FGF12: variants seen among roughly 807,000 people sequenced by gnomAD.
The protein encoded by FGF12 is fibroblast growth factor 12B.
In FGF12, 14 loss-of-function variants were observed where a neutral mutation model predicts 23.6. The ratio of observed to expected loss-of-function variants is 0.59; its 90% CI spans 0.39 to 0.93. The LOEUF is 0.93. FGF12 is among the 40% of genes least tolerant of loss of function. The pLI, the probability that FGF12 is intolerant of heterozygous loss-of-function variation, is 0.00. For missense variants in FGF12, 175 were observed against 217.8 expected, an observed-to-expected ratio of 0.80 and a Z score of 1.24; for synonymous variants, 62 against 77.3, an observed-to-expected ratio of 0.80 and a Z score of 1.04.
intron 5 of FGF12, among the ~76,000 whole-genome samples, chr3:192,160,501 T>G (rs1216077875): frequency 1.3e-5 from 2 of 152,188 alleles, no homozygotes; most frequent in African/African-American, 4.8e-5. Flanking sequence ...CAAACATCAT[T>G]TACGTCATCT....
chr3:192,626,623 T>C (rs1166519202), intron 2 of FGF12, among the ~76,000 whole-genome samples: 3 of 152,158 alleles, frequency 2.0e-5, no homozygotes, highest in Non-Finnish European at 4.4e-5. Context: ...TTGTTGTTTG[T>C]TTATTTAGAG....
At chr3:192,637,272 G>A (rs968722844) in intron 2 of FGF12, among the ~76,000 whole-genome samples, 2 of 152,130 alleles carry the variant, frequency 1.3e-5, no homozygotes, top group African/African-American at 4.8e-5. Flanking sequence ...TCTGGCCACC[G>A]ACGTGCAGGC....
chr3:192,712,955 A>T (rs1285153168), intron 2 of FGF12, among the ~76,000 whole-genome samples: 1 of 152,170 alleles, frequency 6.6e-6, no homozygotes, highest in Non-Finnish European at 1.5e-5. Context: ...AAATTGATAG[A>T]ATATCTGTGC....
chr3:192,580,790 G>C (rs1713100346), intron 2 of FGF12, among the ~76,000 whole-genome samples: 1 of 152,014 alleles, frequency 6.6e-6, no homozygotes, highest in South Asian at 2.1e-4. Context: ...GTAGAGACAG[G>C]GTTTCACCAT....
intron 2 of FGF12, among the ~76,000 whole-genome samples, chr3:192,554,559 G>T (rs73887629): frequency 2.0e-3 from 304 of 152,212 alleles, no homozygotes; most frequent in African/African-American, 7.0e-3. Flanking sequence ...TGGGCTGATT[G>T]GTAAAGATCT....
In FGF12 at chr3:192,567,735, CTCTTTCTTTCTTTCTTTCTT is replaced by C. The variant is rs58243923; in HGVS notation, c.13+159426_13+159445del. 3.1e-3 allele frequency among the ~76,000 whole-genome samples: 390 copies of C among 126,058 alleles called. 1 individual carries two copies. The highest frequency in any genetic ancestry group is 0.011 in the South Asian group (39 of 3,458). 82.7% of individuals were successfully genotyped at this position (126,058 alleles called of 152,430 possible). A position where few individuals can be genotyped will look rare whatever the true frequency, so the allele number is the denominator to read the frequency against. On this transcript the variant is annotated intron_variant, in intron 2 of 5. Transcript: ENST00000445105. ...TTTTTACATGGTCTTCTCCATGTGT[CTCTTTCTTTCTTTCTTTCTT>C]TCTTTCTTTCTTTCTTTCTTTCTTT...
intron 2 of FGF12, among the ~76,000 whole-genome samples, chr3:192,593,645 T>A (rs1713719379): frequency 1.3e-5 from 2 of 151,980 alleles, no homozygotes; most frequent in Non-Finnish European, 2.9e-5. Context: ...TCTTTGGAAC[T>A]AAACAAACAA....
intron 3 of FGF12, among the ~76,000 whole-genome samples, chr3:192,352,540 A>G (rs866036184): frequency 5.2e-4 from 79 of 152,216 alleles, no homozygotes; most frequent in African/African-American, 1.9e-3. Context: ...AACACCTTCA[A>G]ATTCTTCCAT....
chr3:192,476,938 C>G (rs980456443), intron 2 of FGF12, among the ~76,000 whole-genome samples: 1 of 151,988 alleles, frequency 6.6e-6, no homozygotes, highest in Non-Finnish European at 1.5e-5. Flanking sequence ...AGACTAGATC[C>G]CAAAAGGATA....
At chr3:192,588,396 T>G (rs1713477190) in intron 2 of FGF12, among the ~76,000 whole-genome samples, 1 of 147,618 alleles carries the variant, frequency 6.8e-6, no homozygotes, top group South Asian at 2.2e-4. Context: ...ATTCAGCATC[T>G]GGATAAAAAA....
At chr3:192,462,915 C>T (rs6786452) in intron 2 of FGF12, among the ~76,000 whole-genome samples, 11,019 of 152,140 alleles carry the variant, frequency 0.072, 1,405 homozygotes, top group African/African-American at 0.25. Flanking sequence ...TAATGGCTTA[C>T]GAAAAGCTTT....
chr3:192,251,540 T>G (rs1347315927), intron 4 of FGF12, among the ~76,000 whole-genome samples: 1 of 152,138 alleles, frequency 6.6e-6, no homozygotes, highest in Non-Finnish European at 1.5e-5. Flanking sequence ...ATGACTAGAA[T>G]ATGTTTAGAA....
chr3:192,466,745 A>AG (rs1723023336), intron 2 of FGF12, among the ~76,000 whole-genome samples: 1 of 152,206 alleles, frequency 6.6e-6, no homozygotes, highest in African/African-American at 2.4e-5. Flanking sequence ...AAAGAAGGTC[A>AG]GGGGTCTGAT....
chr3:192,466,961 G>C lies in FGF12; in HGVS notation c.14-106423C>G, dbSNP rs556943159. On this transcript the variant is annotated intron_variant, in intron 2 of 5. Transcript: ENST00000445105. The stretch of plus-strand genomic sequence containing the variant: ...AATATAATATCGCCACATATTTTTA[G>C]CTATGTTCTGCCTTTTTTTAGGGTT... Among the ~76,000 whole-genome samples the C allele has an allele frequency of 3.2e-4, 49 of 152,262 alleles. No individual in the cohort carries two copies. The South Asian group carries it at 3.5e-3, about 11-fold the overall frequency.
chr3:192,433,974 TG>T (rs1256906117), intron 2 of FGF12, among the ~76,000 whole-genome samples: 1 of 152,200 alleles, frequency 6.6e-6, no homozygotes, highest in African/African-American at 2.4e-5. Context: ...TAAACATAAA[TG>T]ATAATCCTAC....
chr3:192,463,728 A>G (rs1307373217), intron 2 of FGF12, among the ~76,000 whole-genome samples: 1 of 152,210 alleles, frequency 6.6e-6, no homozygotes, highest in African/African-American at 2.4e-5. Context: ...ATCATGTGAA[A>G]GGATGATGGA....
intron 4 of FGF12, among the ~76,000 whole-genome samples, chr3:192,265,732 T>C (rs1335477526): frequency 2.0e-5 from 3 of 152,090 alleles, no homozygotes; most frequent in Non-Finnish European, 2.9e-5. Context: ...GTGTATACCA[T>C]GGCAGAGGTG....
At chr3:192,424,086 C>CAAA (rs5855425) in intron 2 of FGF12, among the ~76,000 whole-genome samples, 1 of 147,474 alleles carries the variant, frequency 6.8e-6, no homozygotes, top group African/African-American at 2.5e-5. Context: ...ATAAAGTCTT[C>CAAA]AAAAAAAAAA....
intron 2 of FGF12, among the ~76,000 whole-genome samples, chr3:192,392,088 A>G (rs1720315720): frequency 1.3e-5 from 2 of 152,206 alleles, no homozygotes; most frequent in South Asian, 4.1e-4. Context: ...AGAAGTGCTG[A>G]TCTGAGGAAC....
Sources: allele counts gnomAD v4.1 joint callset (sites outside exome capture counted in the v4.1 genomes callset), GRCh38; gene constraint gnomAD v4.1.1; transcripts MANE v1.5; gene names NCBI Gene and HGNC (gene_info 2026-07-23, HGNC 2026-07-21).